ADAM2: variants seen among roughly 807,000 people sequenced by gnomAD.
ADAM2 encodes ADAM metallopeptidase domain 2.
A neutral mutation model predicts 99.3 loss-of-function variants in ADAM2; 101 were observed. That is an observed-to-expected ratio of 1.02 (90% CI 0.87 to 1.20). ADAM2 has a LOEUF of 1.20. Ranked by LOEUF, ADAM2 falls within the 50% of genes most tolerant of loss-of-function variation. The pLI, the probability that ADAM2 is intolerant of heterozygous loss-of-function variation, is 0.00. For missense variants in ADAM2, 948 were observed against 878.7 expected, an observed-to-expected ratio of 1.08 and a Z score of -1.00; for synonymous variants, 323 against 287.6, an observed-to-expected ratio of 1.12 and a Z score of -1.25.
At chr8:39,760,789 A>C (rs1370631507) in intron 15 of ADAM2, among the ~76,000 whole-genome samples, 1 of 147,816 alleles carries the variant, frequency 6.8e-6, no homozygotes, top group Non-Finnish European at 1.5e-5. Context: ...CGTGTATTTT[A>C]ACTTCTTTAC....
intron 4 of ADAM2, among the ~76,000 whole-genome samples, chr8:39,824,223 C>T (rs999969211): frequency 3.6e-5 from 5 of 139,728 alleles, no homozygotes; most frequent in Admixed American, 1.5e-4. Context: ...GCGGAGGTTG[C>T]GGTGAGCTGA....
chr8:39,780,992 G>A (rs1430475255), intron 10 of ADAM2, among the ~76,000 whole-genome samples: 1 of 150,174 alleles, frequency 6.7e-6, no homozygotes, highest in Non-Finnish European at 1.5e-5. Context: ...CTTGTTTTGT[G>A]TGGCGCTTTC....
chr8:39,778,017 A>G (rs112684544), intron 10 of ADAM2, among the ~76,000 whole-genome samples: 1 of 147,868 alleles, frequency 6.8e-6, no homozygotes, highest in Non-Finnish European at 1.5e-5. Flanking sequence ...ATTTATATTT[A>G]TATAATTTTA....
chr8:39,790,104 G>A (rs1797840786), intron 7 of ADAM2, among the ~76,000 whole-genome samples: 1 of 151,806 alleles, frequency 6.6e-6, no homozygotes, highest in Non-Finnish European at 1.5e-5. Flanking sequence ...ATAAAATGGA[G>A]CAACCATTTC....
chr8:39,823,714 C>T (rs562892120), intron 4 of ADAM2, among the ~76,000 whole-genome samples: 5 of 151,824 alleles, frequency 3.3e-5, no homozygotes, highest in Admixed American at 2.6e-4. Context: ...AACACACATA[C>T]GCACACACAC....
Position 39,837,664 on chromosome 8 carries a change from C to T in ADAM2, c.56-452G>A, listed in dbSNP as rs191989870. 4.2e-3 allele frequency among the ~76,000 whole-genome samples: 646 copies of T among 152,206 alleles called. 6 individuals carry two copies. The highest frequency in any genetic ancestry group is 0.015 in the African/African-American group (621 of 41,540). On this transcript the variant is annotated intron_variant, in intron 1 of 20. Transcript: ENST00000265708. Reference sequence around the variant, plus strand: ...CCTCCCAAAGTGCTGGGATTACAGGCATGAGCCACCGTGCCCGGCCATATT... The same window carrying T: ...CCTCCCAAAGTGCTGGGATTACAGGTATGAGCCACCGTGCCCGGCCATATT...
intron 3 of ADAM2, among the ~76,000 whole-genome samples, chr8:39,830,448 G>A (rs1805568202): frequency 5.9e-5 from 9 of 152,088 alleles, no homozygotes; most frequent in Admixed American, 5.9e-4. Context: ...AGAGTATATA[G>A]AGCTTGGAGT....
At chr8:39,823,251 AT>A (rs1170533417) in intron 4 of ADAM2, among the ~76,000 whole-genome samples, 6 of 151,804 alleles carry the variant, frequency 4.0e-5, no homozygotes, top group Non-Finnish European at 8.8e-5. Context: ...TAGCTGGCTG[AT>A]TTTTTTTCTT....
intron 10 of ADAM2, among the ~76,000 whole-genome samples, chr8:39,783,111 T>G (rs1043626896): frequency 1.3e-5 from 2 of 152,200 alleles, no homozygotes; most frequent in Admixed American, 1.3e-4. Context: ...TTATTTTATT[T>G]GCAAATCTTT....
In ADAM2 at chr8:39,755,810, C is replaced by T; in HGVS notation, c.1715G>A (p.Cys572Tyr). Reference protein sequence around the residue: ...IIYANISGHLCIAVEFASDHA... With the variant: ...IIYANISGHLYIAVEFASDHA... ...ATCACTGGCAAATTCCACAGCAATG[C>T]AGAGATGTCCACTTATGTTGGCATA... Residue 572 changes from cysteine (C) to tyrosine (Y), a missense_variant, in exon 16 of 21, where the codon TGC (cysteine) becomes TAC (tyrosine). Physicochemically the swap from Cys to Tyr is radical, Grantham distance 194. Coordinates refer to ENST00000265708, the MANE Select transcript of ADAM2 (RefSeq NM_001464.5). The T allele has an allele frequency of 6.2e-7, 1 of 1,611,940 alleles. No homozygotes were observed. The highest frequency in any genetic ancestry group is 8.5e-7 in the Non-Finnish European group (1 of 1,178,302).
Position 39,788,711 on chromosome 8 carries a change from A to C in ADAM2, c.600T>G (p.Val200=). ...LYNHMGSDTT[V]VAQKVFQLIG... ...TCAACTGGAAAACTTTTTGAGCGAC[A>C]ACAGTTGTATCAGACCCCATATGAT... Residue 200 remains valine, a synonymous_variant, in exon 8 of 21, where the codon GTT becomes GTG. Coordinates refer to ENST00000265708, the MANE Select transcript of ADAM2 (RefSeq NM_001464.5). 1 of 1,578,764 alleles carries C rather than the reference A, an allele frequency of 6.3e-7. No individual in the cohort carries two copies. The highest frequency in any genetic ancestry group is 8.6e-7 in the Non-Finnish European group (1 of 1,159,158).
At chr8:39,772,241 A>G (rs1161500582) in intron 11 of ADAM2, among the ~76,000 whole-genome samples, 1 of 149,154 alleles carries the variant, frequency 6.7e-6, no homozygotes, top group African/African-American at 2.5e-5. Context: ...CTTTTTTTTT[A>G]TAATGGAGCC....
chr8:39,774,467 A>G (rs1160005896), intron 11 of ADAM2, among the ~76,000 whole-genome samples: 2 of 152,062 alleles, frequency 1.3e-5, no homozygotes, highest in Non-Finnish European at 2.9e-5. Flanking sequence ...TGCAGGATAC[A>G]AGCTCAATAA....
intron 6 of ADAM2, among the ~76,000 whole-genome samples, chr8:39,809,808 G>T (rs774300255): frequency 2.0e-4 from 30 of 152,150 alleles, no homozygotes; most frequent in African/African-American, 7.0e-4. Context: ...GGAAAAACCG[G>T]TACCAGCCAC....
chr8:39,797,708 T>C (rs1175080435), intron 7 of ADAM2, among the ~76,000 whole-genome samples: 2 of 152,220 alleles, frequency 1.3e-5, no homozygotes, highest in East Asian at 3.8e-4. Context: ...TTTGTTTGTG[T>C]CCTCTTTTAT....
intron 7 of ADAM2, among the ~76,000 whole-genome samples, chr8:39,803,398 A>C (rs1220735958): frequency 1.3e-5 from 2 of 152,338 alleles, no homozygotes; most frequent in East Asian, 3.9e-4. Context: ...CAAAACAAAT[A>C]GGGGATTCTC....
intron 18 of ADAM2, among the ~76,000 whole-genome samples, chr8:39,747,409 T>C (rs1169050535): frequency 1.3e-5 from 2 of 152,192 alleles, no homozygotes; most frequent in Non-Finnish European, 2.9e-5. Context: ...ATGACCAGTT[T>C]AAAATTCTTA....
chr8:39,747,447 GAT>G (rs1823520406), intron 18 of ADAM2, among the ~76,000 whole-genome samples: 1 of 152,112 alleles, frequency 6.6e-6, no homozygotes, highest in South Asian at 2.1e-4. Context: ...AACTTTTTAT[GAT>G]GCATTTACAT....
At chr8:39,765,933 A>G (rs1802549966) in intron 14 of ADAM2, among the ~76,000 whole-genome samples, 1 of 152,074 alleles carries the variant, frequency 6.6e-6, no homozygotes, top group Non-Finnish European at 1.5e-5. Context: ...TCCTCTGTCA[A>G]TTGTTCCTGA....
Sources: gnomAD v4.1 joint callset for allele counts (sites outside exome capture counted in the v4.1 genomes callset) on GRCh38, gnomAD v4.1.1 for gene constraint, MANE v1.5 for transcripts, NCBI Gene and HGNC (gene_info 2026-07-23, HGNC 2026-07-21) for gene names.